Variants in SPOCK3 observed in about 807,000 individuals in gnomAD.
SPOCK3 encodes the protein SPARC (osteonectin), cwcv and kazal like domains proteoglycan 3.
SPOCK3 carries 30 observed loss-of-function variants against 56.6 expected under a neutral mutation model. The ratio of observed to expected loss-of-function variants is 0.53; its 90% CI spans 0.40 to 0.72. The LOEUF (loss-of-function observed/expected upper bound fraction) is 0.72, where lower values mean the gene tolerates loss of function less well. Ranked by LOEUF, SPOCK3 falls within the 30% of genes least tolerant of loss-of-function variation. The pLI is 0.00. For missense variants in SPOCK3, 527 were observed against 530.0 expected (o/e 0.99, Z 0.06); for synonymous variants, 196 against 183.3 (o/e 1.07, Z -0.56).
chr4:167,200,522 T>C (rs1399620993), intron 2 of SPOCK3, among the ~76,000 whole-genome samples: 1 of 151,982 alleles, frequency 6.6e-6, no homozygotes, highest in Non-Finnish European at 1.5e-5. Context: ...AATTTTTTCG[T>C]ACATTTCAAA....
intron 7 of SPOCK3, among the ~76,000 whole-genome samples, chr4:166,766,475 T>C (rs1450924349): frequency 2.0e-5 from 3 of 152,218 alleles, no homozygotes; most frequent in Non-Finnish European, 4.4e-5. Flanking sequence ...GTTCTGTTTA[T>C]ATGCTGGATT....
intron 4 of SPOCK3, among the ~76,000 whole-genome samples, chr4:166,922,284 C>T (rs1450997470): frequency 3.3e-5 from 5 of 152,120 alleles, no homozygotes; most frequent in Non-Finnish European, 7.4e-5. Flanking sequence ...AGAATCATTA[C>T]ATTCATGGAA....
intron 4 of SPOCK3, among the ~76,000 whole-genome samples, chr4:166,949,576 C>A (rs2150032464): frequency 6.6e-6 from 1 of 152,274 alleles, no homozygotes; most frequent in East Asian, 1.9e-4. Flanking sequence ...CCCTTAGCTG[C>A]ACGTCTGTTG....
At chr4:167,062,569 T>C in intron 2 of SPOCK3, 32 bp from the exon 3 acceptor site, 1 of 1,535,422 alleles carries the variant, frequency 6.5e-7, no homozygotes, top group Non-Finnish European at 8.9e-7. Flanking sequence ...ATTGAGTGTA[T>C]ACAAGTAATT....
Position 166,797,989 on chromosome 4 carries a change from TAC to T in SPOCK3, c.590-5702_590-5701del, listed in dbSNP as rs139703301. ...ATATACAATGTTGCTCCCATAAGAT[TAC>T]AATGGAGCTGAAACATTCCTATTGT... On this transcript the variant is annotated intron_variant, in intron 6 of 10. Transcript: ENST00000357545. 6.5e-3 allele frequency among the ~76,000 whole-genome samples: 990 copies of T among 152,316 alleles called. 19 individuals carry two copies. Among genetic ancestry groups the T allele is most frequent in the African/African-American group, 0.023 (943 of 41,572 alleles).
chr4:166,949,258 A>C (rs1462019065), intron 4 of SPOCK3, among the ~76,000 whole-genome samples: 1 of 151,976 alleles, frequency 6.6e-6, no homozygotes, highest in Non-Finnish European at 1.5e-5. Context: ...ATTTTTTTCA[A>C]AGTTTTTAAC....
intron 2 of SPOCK3, among the ~76,000 whole-genome samples, chr4:167,079,208 CAGAACTAA>C (rs1385169693): frequency 6.6e-6 from 1 of 151,922 alleles, no homozygotes; most frequent in Admixed American, 6.6e-5. Context: ...TTTTAAAACA[CAGAACTAA>C]ACCTTATTTC....
intron 3 of SPOCK3, among the ~76,000 whole-genome samples, chr4:167,017,899 T>C (rs1169938659): frequency 6.6e-6 from 1 of 152,024 alleles, no homozygotes; most frequent in Non-Finnish European, 1.5e-5. Flanking sequence ...ACACCCAATA[T>C]TGATTAGATT....
intron 4 of SPOCK3, among the ~76,000 whole-genome samples, chr4:166,918,642 AC>A (rs5863848): frequency 0.19 from 28,660 of 152,218 alleles, 3,022 homozygotes; most frequent in South Asian, 0.25. Flanking sequence ...TCACAAAAAA[AC>A]AATTTTTAAA....
At chr4:167,031,575 A>G (rs1752277643) in intron 3 of SPOCK3, among the ~76,000 whole-genome samples, 1 of 152,024 alleles carries the variant, frequency 6.6e-6, no homozygotes, top group Admixed American at 6.6e-5. Context: ...TGAATTACAG[A>G]GCCAAAAGTT....
chr4:167,228,247 A>G (rs1736796416), intron 2 of SPOCK3, among the ~76,000 whole-genome samples: 1 of 152,170 alleles, frequency 6.6e-6, no homozygotes, highest in Non-Finnish European at 1.5e-5. Context: ...ATATATGTAG[A>G]TATACATTTA....
intron 2 of SPOCK3, among the ~76,000 whole-genome samples, chr4:167,214,921 A>G (rs1735214916): frequency 6.6e-6 from 1 of 151,884 alleles, no homozygotes; most frequent in East Asian, 1.9e-4. Flanking sequence ...TGCTTGGAAG[A>G]GCAAAAACAT....
chr4:166,813,769 A>T (rs1744093411), intron 6 of SPOCK3, among the ~76,000 whole-genome samples: 1 of 152,038 alleles, frequency 6.6e-6, no homozygotes, highest in Non-Finnish European at 1.5e-5. Flanking sequence ...TACCAAAATA[A>T]ACTCATATTC....
chr4:166,946,243 A>G (rs1483972482), intron 4 of SPOCK3, among the ~76,000 whole-genome samples: 10 of 152,300 alleles, frequency 6.6e-5, no homozygotes, highest in African/African-American at 2.4e-4. Flanking sequence ...GTCTCAAAAC[A>G]TAACTCAGGC....
chr4:167,196,985 C>T (rs1047318000), intron 2 of SPOCK3, among the ~76,000 whole-genome samples: 5 of 152,132 alleles, frequency 3.3e-5, no homozygotes, highest in African/African-American at 1.2e-4. Context: ...GAATGACCTT[C>T]TATTACCTTT....
intron 6 of SPOCK3, among the ~76,000 whole-genome samples, chr4:166,878,650 T>C (rs941034030): frequency 6.6e-6 from 1 of 152,128 alleles, no homozygotes; most frequent in Non-Finnish European, 1.5e-5. Context: ...ACAAATACTC[T>C]AAGTTATTTC....
chr4:167,040,703 T>C (rs1753164854), intron 3 of SPOCK3, among the ~76,000 whole-genome samples: 1 of 152,174 alleles, frequency 6.6e-6, no homozygotes, highest in South Asian at 2.1e-4. Flanking sequence ...GAAATATAAA[T>C]GTAAACTATG....
intron 2 of SPOCK3, among the ~76,000 whole-genome samples, chr4:167,100,600 A>T (rs1043445177): frequency 5.3e-5 from 8 of 152,120 alleles, no homozygotes; most frequent in African/African-American, 1.9e-4. Context: ...CATTAAAAAT[A>T]TGCACAAATA....
intron 2 of SPOCK3, among the ~76,000 whole-genome samples, chr4:167,199,998 T>C (rs957243961): frequency 3.9e-5 from 6 of 152,050 alleles, no homozygotes; most frequent in African/African-American, 1.4e-4. Flanking sequence ...GAAGACATAA[T>C]AGTTGCTTTG....
Sources: gnomAD v4.1 joint callset for allele counts (sites outside exome capture counted in the v4.1 genomes callset) on GRCh38, gnomAD v4.1.1 for gene constraint, MANE v1.5 for transcripts, NCBI Gene and HGNC (gene_info 2026-07-23, HGNC 2026-07-21) for gene names.